Variants in GSG1L observed in about 807,000 individuals in gnomAD.
GSG1L encodes the protein germ cell-specific gene 1-like protein.
Under a neutral mutation model 42.1 loss-of-function variants are expected in GSG1L, and 24 were observed. That is an observed-to-expected ratio of 0.57 (90% CI 0.41 to 0.80). The LOEUF (loss-of-function observed/expected upper bound fraction) is 0.80, where lower values mean the gene tolerates loss of function less well. Ranked by LOEUF, GSG1L falls within the 30% of genes least tolerant of loss-of-function variation. GSG1L has a pLI of 0.00. For synonymous variants in GSG1L, 215 were observed against 203.5 expected (o/e 1.06, Z -0.48); for missense variants, 445 against 472.2 (o/e 0.94, Z 0.53).
In GSG1L at chr16:27,791,080, G is replaced by A. The variant is rs968332014; in HGVS notation, c.*290C>T. 2 of 283,822 alleles carry A rather than the reference G, an allele frequency of 7.0e-6. No individual in the cohort carries two copies. The highest frequency in any genetic ancestry group is 1.3e-5 in the Non-Finnish European group (2 of 153,068). The allele number at this position is 283,822 out of a possible 1,614,324, so 17.6% of individuals were successfully genotyped here. A position where few individuals can be genotyped will look rare whatever the true frequency, so the allele number is the denominator to read the frequency against. On this transcript the variant is annotated 3_prime_UTR_variant, in exon 7 of 7. Coordinates refer to ENST00000447459, the MANE Select transcript of GSG1L (RefSeq NM_001109763.2). ...GTGGCCAGTGGCCATGTGTCTCCTGGCATCGCAGCTGTGCCCAGCAGGGCT... is the reference window on the plus strand; with the variant it reads ...GTGGCCAGTGGCCATGTGTCTCCTGACATCGCAGCTGTGCCCAGCAGGGCT...
intron 1 of GSG1L, among the ~76,000 whole-genome samples, chr16:27,979,570 A>C (rs1231091476): frequency 3.4e-5 from 5 of 147,802 alleles, no homozygotes; most frequent in Non-Finnish European, 7.4e-5. Flanking sequence ...ATCCATCAAA[A>C]AAAAAAAAAA....
chr16:27,945,612 C>G (rs1002408004), intron 2 of GSG1L, among the ~76,000 whole-genome samples: 33 of 152,302 alleles, frequency 2.2e-4, no homozygotes, highest in African/African-American at 7.5e-4. Flanking sequence ...TTCAAGCAGA[C>G]GCCTGAGCAA....
chr16:27,903,054 C>T (rs2084279947), intron 2 of GSG1L, among the ~76,000 whole-genome samples: 1 of 151,998 alleles, frequency 6.6e-6, no homozygotes, highest in Non-Finnish European at 1.5e-5. Flanking sequence ...AAGGGACCAG[C>T]CTGGCTCAGG....
intron 3 of GSG1L, among the ~76,000 whole-genome samples, chr16:27,876,816 A>G (rs705921): frequency 0.88 from 133,230 of 152,168 alleles, 58,952 homozygotes; most frequent in South Asian, 0.98. Flanking sequence ...CCTGAAATTC[A>G]GATTTCAAAG....
chr16:28,020,907 G>T (rs1567558449), intron 1 of GSG1L, among the ~76,000 whole-genome samples: 1 of 152,178 alleles, frequency 6.6e-6, no homozygotes, highest in African/African-American at 2.4e-5. Context: ...TCAGATGACT[G>T]CAGCTTCAAC....
intron 6 of GSG1L, among the ~76,000 whole-genome samples, chr16:27,803,788 T>TAGATAG (rs1304476218): frequency 3.1e-5 from 2 of 63,652 alleles, no homozygotes; most frequent in African/African-American, 1.2e-4. Flanking sequence ...TATATATATA[T>TAGATAG]ATATATAGAT....
At chr16:27,875,311 T>A (rs1422039384) in intron 3 of GSG1L, among the ~76,000 whole-genome samples, 1 of 152,162 alleles carries the variant, frequency 6.6e-6, no homozygotes, top group Non-Finnish European at 1.5e-5. Flanking sequence ...TCAGCCTCCA[T>A]GAGGGACTGA....
chr16:27,981,123 C>T (rs2085322017), intron 1 of GSG1L, among the ~76,000 whole-genome samples: 1 of 152,078 alleles, frequency 6.6e-6, no homozygotes, highest in Non-Finnish European at 1.5e-5. Flanking sequence ...CACACACCCT[C>T]CAGAGACCCC....
chr16:28,057,903 G>A (rs1596739479), intron 1 of GSG1L, among the ~76,000 whole-genome samples: 1 of 152,314 alleles, frequency 6.6e-6, no homozygotes, highest in East Asian at 1.9e-4. Flanking sequence ...GATGGGTCAT[G>A]GGACAGGGCT....
chr16:28,013,125 G>A (rs1466799287), intron 1 of GSG1L, among the ~76,000 whole-genome samples: 3 of 151,606 alleles, frequency 2.0e-5, no homozygotes, highest in East Asian at 1.9e-4. Context: ...TTGGGAGGCC[G>A]AGGCAAGAGA....
chr16:28,034,243 C>G (rs1378322853), intron 1 of GSG1L, among the ~76,000 whole-genome samples: 2 of 139,408 alleles, frequency 1.4e-5, no homozygotes, highest in African/African-American at 5.3e-5. Flanking sequence ...CCATCCCATC[C>G]CATCCCATCC....
At chr16:27,886,435 G>A (rs778757395) in intron 2 of GSG1L, among the ~76,000 whole-genome samples, 17 of 152,146 alleles carry the variant, frequency 1.1e-4, no homozygotes, top group Admixed American at 3.3e-4. Flanking sequence ...GCGAGACTCC[G>A]TCTCAAAAAA....
At chr16:27,947,161 C>T (rs1193275133) in intron 2 of GSG1L, among the ~76,000 whole-genome samples, 1 of 152,128 alleles carries the variant, frequency 6.6e-6, no homozygotes, top group African/African-American at 2.4e-5. Context: ...GAGTCTTGCT[C>T]TGTCACTCAG....
At chr16:27,958,784 C>T (rs979055218) in intron 2 of GSG1L, among the ~76,000 whole-genome samples, 1 of 152,094 alleles carries the variant, frequency 6.6e-6, no homozygotes, top group African/African-American at 2.4e-5. Context: ...AAGCCATTCT[C>T]CTGCCTCAGC....
intron 5 of GSG1L, among the ~76,000 whole-genome samples, chr16:27,814,819 C>T (rs1250612902): frequency 6.6e-6 from 1 of 152,120 alleles, no homozygotes; most frequent in Non-Finnish European, 1.5e-5. Flanking sequence ...TGCTGGGCTC[C>T]CTGTTGAAAA....
intron 2 of GSG1L, among the ~76,000 whole-genome samples, chr16:27,886,949 T>C (rs1245144892): frequency 6.6e-6 from 1 of 151,962 alleles, no homozygotes; most frequent in Non-Finnish European, 1.5e-5. Context: ...CTCTCTTTCT[T>C]TCTTTTTTTT....
At chr16:27,814,156 G>C (rs1215787245) in intron 5 of GSG1L, among the ~76,000 whole-genome samples, 1 of 152,092 alleles carries the variant, frequency 6.6e-6, no homozygotes, top group Non-Finnish European at 1.5e-5. Flanking sequence ...CTGTCACCCA[G>C]GCTGGAGTGC....
chr16:27,923,159 C>T (rs898238259), intron 2 of GSG1L, among the ~76,000 whole-genome samples: 1 of 152,226 alleles, frequency 6.6e-6, no homozygotes. Flanking sequence ...TGCAAAAAAA[C>T]CTGGTACTGG....
chr16:28,054,057 G>C (rs978737762), intron 1 of GSG1L, among the ~76,000 whole-genome samples: 1 of 151,876 alleles, frequency 6.6e-6, no homozygotes, highest in South Asian at 2.1e-4. Flanking sequence ...TGTGCCACCC[G>C]CCCTGCGTCT....
Sources: gnomAD v4.1 joint callset for allele counts (sites outside exome capture counted in the v4.1 genomes callset) on GRCh38, gnomAD v4.1.1 for gene constraint, MANE v1.5 for transcripts, NCBI Gene and HGNC (gene_info 2026-07-23, HGNC 2026-07-21) for gene names.